MARCHF1: variants seen among roughly 807,000 people sequenced by gnomAD.
The protein encoded by MARCHF1 is membrane associated ring-CH-type finger 1.
A neutral mutation model predicts 54.2 loss-of-function variants in MARCHF1; 40 were observed. That is an observed-to-expected ratio of 0.74 (90% CI 0.57 to 0.96). The LOEUF is 0.96. MARCHF1 is among the 40% of genes least tolerant of loss of function. The probability of loss-of-function intolerance (pLI) is 0.00; values close to 1 mark genes in which losing one functional copy is unlikely to be tolerated. For synonymous variants in MARCHF1, 236 were observed against 236.3 expected (o/e 1.00, Z 0.01); for missense variants, 586 against 656.5 (o/e 0.89, Z 1.17).
chr4:164,088,402 C>T (rs974181897), intron 2 of MARCHF1, among the ~76,000 whole-genome samples: 4 of 152,098 alleles, frequency 2.6e-5, no homozygotes, highest in East Asian at 1.9e-4. Context: ...AAATATTATT[C>T]ATAATCTGGG....
chr4:163,820,413 TA>T (rs1441558740), intron 4 of MARCHF1, among the ~76,000 whole-genome samples: 2 of 152,108 alleles, frequency 1.3e-5, no homozygotes, highest in African/African-American at 4.8e-5. Context: ...TGAAATTCCC[TA>T]GACTTTTTTC....
chr4:164,062,283 G>A (rs891933867), intron 2 of MARCHF1, among the ~76,000 whole-genome samples: 1 of 152,052 alleles, frequency 6.6e-6, no homozygotes, highest in Non-Finnish European at 1.5e-5. Flanking sequence ...CACCACTACA[G>A]TTACTTCCTC....
chr4:163,553,425 T>C (rs928856260), intron 8 of MARCHF1, among the ~76,000 whole-genome samples: 1 of 152,212 alleles, frequency 6.6e-6, no homozygotes, highest in Admixed American at 6.5e-5. Context: ...CACTTCTGTT[T>C]TCTAAGTACA....
chr4:164,258,189 G>A (rs1287611794), intron 1 of MARCHF1, among the ~76,000 whole-genome samples: 3 of 152,020 alleles, frequency 2.0e-5, no homozygotes, highest in Non-Finnish European at 2.9e-5. Context: ...ATAAGTGGGA[G>A]TTGAACAATG....
intron 4 of MARCHF1, among the ~76,000 whole-genome samples, chr4:163,731,876 C>T (rs1166616899): frequency 2.6e-5 from 4 of 152,126 alleles, no homozygotes; most frequent in Non-Finnish European, 1.5e-5. Context: ...AGAATAAATG[C>T]TACCCTGATA....
intron 8 of MARCHF1, among the ~76,000 whole-genome samples, chr4:163,562,372 G>C (rs1298828695): frequency 6.6e-6 from 1 of 152,072 alleles, no homozygotes; most frequent in Non-Finnish European, 1.5e-5. Context: ...AATTACCAAT[G>C]ACATCCTAAA....
At chr4:163,906,939 T>C (rs1368215447) in intron 3 of MARCHF1, among the ~76,000 whole-genome samples, 3 of 151,984 alleles carry the variant, frequency 2.0e-5, no homozygotes, top group Non-Finnish European at 4.4e-5. Context: ...ATTTTTTGCA[T>C]CTTTTACAAA....
chr4:163,813,714 CCAGT>C lies in MARCHF1; in HGVS notation c.111+40303_111+40306del, dbSNP rs572140113. 6.2e-3 allele frequency among the ~76,000 whole-genome samples: 943 copies of C among 152,206 alleles called. 8 individuals are homozygous for C. Among genetic ancestry groups the C allele is most frequent in the African/African-American group, 0.02 (820 of 41,520 alleles). ...TTGCAAATACTATACATCCTAGACA[CCAGT>C]AAGTAATATAGTTTAAAAAAACATT... On this transcript the variant is annotated intron_variant, in intron 4 of 9. Transcript: ENST00000514618.
chr4:164,294,136 C>T (rs1185425144), intron 1 of MARCHF1, among the ~76,000 whole-genome samples: 1 of 152,240 alleles, frequency 6.6e-6, no homozygotes, highest in Non-Finnish European at 1.5e-5. Flanking sequence ...TGGACTTACA[C>T]ACCAGTGGTT....
intron 1 of MARCHF1, among the ~76,000 whole-genome samples, chr4:164,272,166 T>C (rs1340128500): frequency 1.3e-5 from 2 of 152,120 alleles, no homozygotes; most frequent in African/African-American, 4.8e-5. Flanking sequence ...ATCTCGTCCA[T>C]TACTGGTTAA....
At chr4:164,383,188 C>T (rs1191230659) in intron 1 of MARCHF1, 1 of 152,292 alleles carries the variant, frequency 6.6e-6, no homozygotes, top group East Asian at 1.9e-4. Context: ...GACACTCACC[C>T]GTGAGCGCAG....
intron 2 of MARCHF1, among the ~76,000 whole-genome samples, chr4:164,059,745 T>A (rs1223452303): frequency 6.6e-6 from 1 of 152,160 alleles, no homozygotes; most frequent in Non-Finnish European, 1.5e-5. Context: ...ATCCTGAGTA[T>A]CATACAATGT....
At chr4:164,335,933 G>C (rs1037290765) in intron 1 of MARCHF1, among the ~76,000 whole-genome samples, 1 of 152,014 alleles carries the variant, frequency 6.6e-6, no homozygotes, top group Non-Finnish European at 1.5e-5. Context: ...AATCAGGCAA[G>C]CTTAGTATGC....
intron 3 of MARCHF1, among the ~76,000 whole-genome samples, chr4:163,887,094 C>A (rs1750554651): frequency 6.6e-6 from 1 of 152,062 alleles, no homozygotes; most frequent in African/African-American, 2.4e-5. Context: ...GTGATATATT[C>A]TCTACCTTTA....
intron 3 of MARCHF1, among the ~76,000 whole-genome samples, chr4:163,913,459 C>G (rs536732081): frequency 4.6e-5 from 7 of 152,108 alleles, no homozygotes; most frequent in South Asian, 2.1e-4. Context: ...TCTAGTCTTA[C>G]GTTTAGAACT....
intron 3 of MARCHF1, among the ~76,000 whole-genome samples, chr4:163,886,199 ATC>A (rs1560803433): frequency 1.3e-5 from 2 of 150,360 alleles, no homozygotes; most frequent in African/African-American, 2.4e-5. Context: ...CTATAGATCT[ATC>A]TCTCAATATA....
intron 1 of MARCHF1, among the ~76,000 whole-genome samples, chr4:164,217,687 G>A (rs1731971958): frequency 6.6e-6 from 1 of 152,146 alleles, no homozygotes; most frequent in Non-Finnish European, 1.5e-5. Context: ...CCATTTATAA[G>A]GTCTGTTAAA....
intron 1 of MARCHF1, among the ~76,000 whole-genome samples, chr4:164,338,237 T>C (rs975121690): frequency 1.3e-5 from 2 of 151,980 alleles, no homozygotes; most frequent in African/African-American, 4.8e-5. Context: ...TTTTACAAAA[T>C]CCTCATGGAA....
intron 1 of MARCHF1, among the ~76,000 whole-genome samples, chr4:164,287,536 T>C (rs779890966): frequency 1.6e-4 from 24 of 152,156 alleles, no homozygotes; most frequent in Non-Finnish European, 3.4e-4. Context: ...TCACCAAGAC[T>C]TTATCGCTCT....
Sources: gnomAD v4.1 joint callset for allele counts (sites outside exome capture counted in the v4.1 genomes callset) on GRCh38, gnomAD v4.1.1 for gene constraint, MANE v1.5 for transcripts, NCBI Gene and HGNC (gene_info 2026-07-23, HGNC 2026-07-21) for gene names.